MAGI3: variants seen among roughly 807,000 people sequenced by gnomAD.
MAGI3 encodes membrane-associated guanylate kinase, WW and PDZ domain-containing protein 3.
In MAGI3, 43 loss-of-function variants were observed where a neutral mutation model predicts 121.8. The ratio of observed to expected loss-of-function variants is 0.35; its 90% CI spans 0.28 to 0.46. The LOEUF (loss-of-function observed/expected upper bound fraction) is 0.46. Ranked by LOEUF, MAGI3 falls within the 20% of genes least tolerant of loss-of-function variation. MAGI3 has a pLI of 1.00. For synonymous variants in MAGI3, 553 were observed against 639.3 expected (o/e 0.86, Z 2.04); for missense variants, 1,547 against 1,797.3 (o/e 0.86, Z 2.52).
chr1:113,401,918 G>A (rs1232140692), intron 1 of MAGI3, among the ~76,000 whole-genome samples: 1 of 152,170 alleles, frequency 6.6e-6, no homozygotes, highest in Non-Finnish European at 1.5e-5. Context: ...GTTGTGGATT[G>A]TTGGAACCTC....
chr1:113,462,047 CATT>C (rs1218936975), intron 1 of MAGI3, among the ~76,000 whole-genome samples: 6 of 151,190 alleles, frequency 4.0e-5, no homozygotes. Context: ...GAATGGTTAT[CATT>C]AGTCAAAAAA....
intron 1 of MAGI3, among the ~76,000 whole-genome samples, chr1:113,535,731 G>T (rs1658945428): frequency 6.6e-6 from 1 of 152,000 alleles, no homozygotes; most frequent in South Asian, 2.1e-4. Flanking sequence ...CTCTTTCAAA[G>T]CTAGATTATT....
chr1:113,526,644 A>G (rs1658468891), intron 1 of MAGI3, among the ~76,000 whole-genome samples: 1 of 152,212 alleles, frequency 6.6e-6, no homozygotes, highest in Admixed American at 6.5e-5. Flanking sequence ...CTACAAAAGT[A>G]GAAGTATGAT....
intron 1 of MAGI3, among the ~76,000 whole-genome samples, chr1:113,419,084 A>G (rs1652601384): frequency 6.6e-6 from 1 of 152,116 alleles, no homozygotes; most frequent in Non-Finnish European, 1.5e-5. Flanking sequence ...TTTGATTTTT[A>G]TAATTCTTAT....
At chr1:113,511,620 G>C (rs1310295531) in intron 1 of MAGI3, among the ~76,000 whole-genome samples, 3 of 152,194 alleles carry the variant, frequency 2.0e-5, no homozygotes, top group African/African-American at 4.8e-5. Flanking sequence ...AAGCTAACTT[G>C]ATTGGCTAAG....
Position 113,430,381 on chromosome 1 carries a change from T to G in MAGI3, c.316+39032T>G, listed in dbSNP as rs191435774. On this transcript the variant is annotated intron_variant, in intron 1 of 20. Coordinates refer to ENST00000307546, the MANE Select transcript of MAGI3 (RefSeq NM_001142782.2). ...AGATATGGAGCCATTGTTCTTGTAGTTCATGAGTGAGGCCCTCTATTACTG... is the reference window on the plus strand; with the variant it reads ...AGATATGGAGCCATTGTTCTTGTAGGTCATGAGTGAGGCCCTCTATTACTG... Among the ~76,000 whole-genome samples the G allele has an allele frequency of 2.3e-3, 347 of 152,332 alleles. 2 individuals are homozygous for G. Among genetic ancestry groups the G allele is most frequent in the African/African-American group, 8.0e-3 (333 of 41,574 alleles).
At chr1:113,637,184 A>G (rs1021640670) in intron 9 of MAGI3, among the ~76,000 whole-genome samples, 4 of 152,032 alleles carry the variant, frequency 2.6e-5, no homozygotes, top group African/African-American at 4.8e-5. Flanking sequence ...TCTTTATCCA[A>G]TTTGCCAGTC....
chr1:113,669,263 G>A (rs1647374416), intron 16 of MAGI3, among the ~76,000 whole-genome samples: 1 of 152,162 alleles, frequency 6.6e-6, no homozygotes, highest in Non-Finnish European at 1.5e-5. Flanking sequence ...AAGAACTTAT[G>A]GAAATTTCTA....
chr1:113,554,239 C>T (rs1432632973), intron 2 of MAGI3, among the ~76,000 whole-genome samples: 2 of 151,806 alleles, frequency 1.3e-5, no homozygotes, highest in Non-Finnish European at 2.9e-5. Context: ...ATTTAAAGAA[C>T]AGTATCAACA....
chr1:113,648,992 G>A (rs1368392806), intron 12 of MAGI3, among the ~76,000 whole-genome samples: 2 of 152,146 alleles, frequency 1.3e-5, no homozygotes, highest in Non-Finnish European at 2.9e-5. Context: ...GTAATACTGA[G>A]TATATGGAAG....
At chr1:113,610,805 G>A (rs180960166) in intron 6 of MAGI3, among the ~76,000 whole-genome samples, 22 of 152,126 alleles carry the variant, frequency 1.4e-4, no homozygotes, top group African/African-American at 4.6e-4. Flanking sequence ...ATGGTGGCAC[G>A]CACCTTTAGT....
chr1:113,509,616 G>A lies in MAGI3; in HGVS notation c.317-39899G>A, dbSNP rs1218104744. 2.5e-5 allele frequency among the ~76,000 whole-genome samples: 3 copies of A among 119,598 alleles called. No individual in the cohort carries two copies. The East Asian group carries it at 6.8e-4, about 27-fold the overall frequency. The allele number at this position is 119,598 out of a possible 152,430, so 78.5% of individuals were successfully genotyped here. ...ATTTGCACATTTATATCTGACACCC[G>A]ACCATACTTTCAGTCACCAGAATAT... On this transcript the variant is annotated intron_variant, in intron 1 of 20. Coordinates refer to ENST00000307546, the MANE Select transcript of MAGI3 (RefSeq NM_001142782.2).
At chr1:113,525,704 T>C (rs776010565) in intron 1 of MAGI3, among the ~76,000 whole-genome samples, 2 of 152,072 alleles carry the variant, frequency 1.3e-5, no homozygotes, top group Non-Finnish European at 2.9e-5. Flanking sequence ...ATTTGGGTTA[T>C]GTGAAAGATC....
At chr1:113,548,752 T>C (rs1316365537) in intron 1 of MAGI3, among the ~76,000 whole-genome samples, 2 of 152,222 alleles carry the variant, frequency 1.3e-5, no homozygotes, top group East Asian at 3.8e-4. Context: ...AATCTCACTC[T>C]GGCTTCTAAG....
chr1:113,619,731 T>C lies in MAGI3; in HGVS notation c.1077-5T>C, dbSNP rs1273250026. The C allele has an allele frequency of 2.5e-6, 4 of 1,599,090 alleles. No individual in the cohort carries two copies. The highest frequency in any genetic ancestry group is 1.7e-4 in the Middle Eastern group (1 of 6,030). ...CTGAAATGTATATTTTTCTGCATTC[T>C]ACAGTCACCTTAACCAGAAAACCCA... On this transcript the variant is annotated splice_polypyrimidine_tract_variant and splice_region_variant and intron_variant, in intron 7 of 20. Transcript: ENST00000307546.
At chr1:113,559,806 A>G (rs1660148608) in intron 2 of MAGI3, among the ~76,000 whole-genome samples, 1 of 152,202 alleles carries the variant, frequency 6.6e-6, no homozygotes, top group Non-Finnish European at 1.5e-5. Flanking sequence ...CCTGACCTCA[A>G]GTGGTCTACT....
chr1:113,528,452 G>C (rs1401102649), intron 1 of MAGI3, among the ~76,000 whole-genome samples: 3 of 152,008 alleles, frequency 2.0e-5, no homozygotes, highest in Non-Finnish European at 4.4e-5. Flanking sequence ...ATTCTATTCA[G>C]ATTAAATGTT....
At chr1:113,398,871 A>G (rs764671943) in intron 1 of MAGI3, among the ~76,000 whole-genome samples, 7 of 152,002 alleles carry the variant, frequency 4.6e-5, no homozygotes, top group Non-Finnish European at 7.4e-5. Flanking sequence ...TGCAGCAAGT[A>G]TCTTGTGATA....
chr1:113,635,271 G>A (rs532222857), intron 9 of MAGI3, among the ~76,000 whole-genome samples: 18 of 152,318 alleles, frequency 1.2e-4, no homozygotes, highest in Admixed American at 1.1e-3. Context: ...ATGTTGAATA[G>A]GAGTGGTGAG....
Sources: gnomAD v4.1 joint callset for allele counts (sites outside exome capture counted in the v4.1 genomes callset) on GRCh38, gnomAD v4.1.1 for gene constraint, MANE v1.5 for transcripts, NCBI Gene and HGNC (gene_info 2026-07-23, HGNC 2026-07-21) for gene names.